The following ELMOD1 variants were observed in gnomAD, a reference collection of about 807,000 sequenced individuals.
ELMOD1 encodes ELMO domain-containing protein 1.
Under a neutral mutation model 46.7 loss-of-function variants are expected in ELMOD1, and 21 were observed. That is an observed-to-expected ratio of 0.45 (90% CI 0.32 to 0.65). The LOEUF (loss-of-function observed/expected upper bound fraction) is 0.65. ELMOD1 is among the 30% of genes least tolerant of loss of function. The probability of loss-of-function intolerance (pLI) is 0.04; values close to 1 mark genes in which losing one functional copy is unlikely to be tolerated. For synonymous variants in ELMOD1, 122 were observed against 138.2 expected, an observed-to-expected ratio of 0.88 and a Z score of 0.82; for missense variants, 348 against 407.8, an observed-to-expected ratio of 0.85 and a Z score of 1.26.
intron 1 of ELMOD1, among the ~76,000 whole-genome samples, chr11:107,608,406 A>G (rs1300263611): frequency 6.6e-6 from 1 of 152,182 alleles, no homozygotes; most frequent in Admixed American, 6.5e-5. Context: ...ATGTATTACG[A>G]AGACTTAAGC....
At chr11:107,615,229 C>CTTTTTTTTTTTTTTTTTTTTTT (rs34461488) in intron 1 of ELMOD1, among the ~76,000 whole-genome samples, 1 of 81,132 alleles carries the variant, frequency 1.2e-5, no homozygotes, top group Non-Finnish European at 2.1e-5. Context: ...TTGTCAGCAT[C>CTTTTTTTTTTTTTTTTTTTTTT]TTTTTTTTTT....
rs1287173392 is a variant in ELMOD1, at chr11:107,591,604, C to G, written c.-86+195C>G. ...TTGGTGCAGGGGCTCCGGGGTCACC[C>G]AGGACAGTGATTTCCCCTTCTATCC... On this transcript the variant is annotated intron_variant, in intron 1 of 11. Transcript: ENST00000265840. 10 of 329,630 alleles carry G rather than the reference C, an allele frequency of 3.0e-5. No individual in the cohort carries two copies. The East Asian group carries it at 9.3e-4, about 31-fold the overall frequency. 20.4% of individuals were successfully genotyped at this position (329,630 alleles called of 1,614,324 possible).
Position 107,630,488 on chromosome 11 carries a change from A to G in ELMOD1, c.89A>G (p.Lys30Arg), listed in dbSNP as rs2135687633. 1 of 1,608,904 alleles carries G rather than the reference A, an allele frequency of 6.2e-7. No homozygotes were observed. Among genetic ancestry groups the G allele is most frequent in the Non-Finnish European group, 8.5e-7 (1 of 1,177,496 alleles). Reference sequence around the variant, plus strand: ...CGCTGCCTGAAATTTGTAATGAGGAAGCTAACTGGAAGATGTGAACTACAA... The same window carrying G: ...CGCTGCCTGAAATTTGTAATGAGGAGGCTAACTGGAAGATGTGAACTACAA... The part of the protein sequence containing the change: ...LWRCLKFVMR[K>R]LTGRCELQRI... The change falls in exon 3 of 12, where the codon AAG (lysine) becomes AGG (arginine). Residue 30 changes from lysine (K) to arginine (R), a missense_variant. By Grantham distance (26) the Lys-to-Arg change is conservative. Transcript: ENST00000265840.
chr11:107,640,700 G>C (rs749880226), intron 6 of ELMOD1, among the ~76,000 whole-genome samples: 1 of 152,168 alleles, frequency 6.6e-6, no homozygotes, highest in Admixed American at 6.5e-5. Flanking sequence ...TAAATACTTT[G>C]GTCACAACAT....
intron 6 of ELMOD1, 150 bp downstream of exon 6, chr11:107,635,915 G>T (rs971381218): frequency 4.0e-6 from 3 of 743,760 alleles, no homozygotes; most frequent in East Asian, 3.2e-5. Context: ...AAGTTTTCTC[G>T]CTGGTTCAGG....
intron 11 of ELMOD1, among the ~76,000 whole-genome samples, chr11:107,658,761 C>A (rs1043992019): frequency 2.0e-5 from 3 of 152,162 alleles, no homozygotes; most frequent in African/African-American, 4.8e-5. Flanking sequence ...AGGGTGAAAC[C>A]CTGTCTCTAT....
rs1480048701 is a variant in ELMOD1, at chr11:107,666,076, T to C, written c.*879T>C. ...TTCCTGCAAACATAGCTATGCTTCA[T>C]GAGGCTTACAAGAAGTAACTTTAGG... On this transcript the variant is annotated 3_prime_UTR_variant, in exon 12 of 12. Coordinates refer to ENST00000265840, the MANE Select transcript of ELMOD1 (RefSeq NM_018712.4). 6.6e-6 allele frequency: 1 copy of C among 152,226 alleles called. No homozygotes were observed. Among genetic ancestry groups the C allele is most frequent in the Admixed American group, 6.5e-5 (1 of 15,270 alleles). 9.4% of individuals were successfully genotyped at this position (152,226 alleles called of 1,614,324 possible).
At chr11:107,619,453 T>G (rs1376944781) in intron 2 of ELMOD1, among the ~76,000 whole-genome samples, 1 of 152,218 alleles carries the variant, frequency 6.6e-6, no homozygotes, top group Non-Finnish European at 1.5e-5. Context: ...CTCCTGAATG[T>G]AAACATGGTG....
intron 7 of ELMOD1, among the ~76,000 whole-genome samples, chr11:107,647,990 C>A (rs1289189110): frequency 6.6e-6 from 1 of 151,952 alleles, no homozygotes; most frequent in Non-Finnish European, 1.5e-5. Flanking sequence ...AATTCTACAC[C>A]ATCATTTCAC....
intron 6 of ELMOD1, among the ~76,000 whole-genome samples, chr11:107,640,148 C>T (rs1866296452): frequency 6.6e-6 from 1 of 152,100 alleles, no homozygotes; most frequent in South Asian, 2.1e-4. Flanking sequence ...GGATTACAGG[C>T]ATGAGCCACA....
At chr11:107,660,904 T>C (rs911179053) in intron 11 of ELMOD1, among the ~76,000 whole-genome samples, 4 of 152,216 alleles carry the variant, frequency 2.6e-5, no homozygotes, top group African/African-American at 4.8e-5. Context: ...GCACAGGAAG[T>C]CTGCCTTTTT....
chr11:107,595,366 C>G (rs1865475590), intron 1 of ELMOD1, among the ~76,000 whole-genome samples: 1 of 152,050 alleles, frequency 6.6e-6, no homozygotes, highest in Non-Finnish European at 1.5e-5. Context: ...TCAGGTTTTT[C>G]TACTGTTCCT....
chr11:107,643,556 GC>G, intron 6 of ELMOD1: 1 of 513,796 alleles, frequency 1.9e-6, no homozygotes, highest in South Asian at 1.5e-5. Flanking sequence ...AGTTTTATGA[GC>G]CACACAAAGA....
At chr11:107,633,525 C>T (rs778483009) in intron 5 of ELMOD1, among the ~76,000 whole-genome samples, 14 of 152,158 alleles carry the variant, frequency 9.2e-5, no homozygotes, top group African/African-American at 2.6e-4. Flanking sequence ...CTCCACCTCC[C>T]GGGTTCAAGC....
chr11:107,634,148 G>A (rs774442013), intron 5 of ELMOD1, among the ~76,000 whole-genome samples: 1 of 152,128 alleles, frequency 6.6e-6, no homozygotes, highest in African/African-American at 2.4e-5. Context: ...CAAGACAAAA[G>A]ACTAGATTGG....
intron 6 of ELMOD1, among the ~76,000 whole-genome samples, chr11:107,645,708 A>G (rs1866417329): frequency 6.6e-6 from 1 of 151,958 alleles, no homozygotes; most frequent in African/African-American, 2.4e-5. Flanking sequence ...CATGCTTGAT[A>G]TTTTGCTTTC....
At chr11:107,617,693 A>G (rs1024422035) in intron 1 of ELMOD1, among the ~76,000 whole-genome samples, 11 of 152,088 alleles carry the variant, frequency 7.2e-5, no homozygotes, top group Non-Finnish European at 1.6e-4. Context: ...GGTTCCAGTT[A>G]TTTTTGAGTT....
intron 5 of ELMOD1, 61 bp from the exon 6 acceptor site, chr11:107,635,575 A>G (rs1866214740): frequency 1.9e-6 from 3 of 1,557,186 alleles, no homozygotes; most frequent in Non-Finnish European, 2.6e-6. Context: ...TCAAGTGAAC[A>G]AATGCCAAAG....
Position 107,599,405 on chromosome 11 carries a change from A to G in ELMOD1, c.-86+7996A>G, listed in dbSNP as rs1865549235. 3.9e-5 allele frequency among the ~76,000 whole-genome samples: 6 copies of G among 152,220 alleles called. No individual in the cohort carries two copies. The South Asian group carries it at 1.2e-3, about 32-fold the overall frequency. On this transcript the variant is annotated intron_variant, in intron 1 of 11. Coordinates refer to ENST00000265840, the MANE Select transcript of ELMOD1 (RefSeq NM_018712.4). The stretch of plus-strand genomic sequence containing the variant: ...TAAAATGTCATTGACTTATACTATT[A>G]TATTTTATACCTCTAAAGAAAAAGC...
Sources: gnomAD v4.1 joint callset for allele counts (sites outside exome capture counted in the v4.1 genomes callset) on GRCh38, gnomAD v4.1.1 for gene constraint, MANE v1.5 for transcripts, NCBI Gene and HGNC (gene_info 2026-07-23, HGNC 2026-07-21) for gene names.